The following ST6GALNAC5 variants were observed in gnomAD, a reference collection of about 807,000 sequenced individuals.
ST6GALNAC5 encodes the protein alpha-N-acetylgalactosaminide alpha-2,6-sialyltransferase 5.
Under a neutral mutation model 33.6 loss-of-function variants are expected in ST6GALNAC5, and 27 were observed. The observed-to-expected ratio is 0.80, with a 90% CI of 0.59 to 1.11. The LOEUF is 1.11. Ranked by LOEUF, ST6GALNAC5 falls within the 50% of genes least tolerant of loss-of-function variation. ST6GALNAC5 has a pLI of 0.00. For missense variants in ST6GALNAC5, 428 were observed against 454.0 expected (o/e 0.94, Z 0.52); for synonymous variants, 194 against 171.2 (o/e 1.13, Z -1.04).
At chr1:77,012,379 C>A (rs752012976) in intron 2 of ST6GALNAC5, among the ~76,000 whole-genome samples, 9 of 152,318 alleles carry the variant, frequency 5.9e-5, no homozygotes, top group Admixed American at 1.3e-4. Context: ...CCAGGTTACT[C>A]CTTGCTCCGG....
chr1:76,926,101 C>T (rs1384989694), intron 2 of ST6GALNAC5, among the ~76,000 whole-genome samples: 2 of 152,140 alleles, frequency 1.3e-5, no homozygotes, highest in Admixed American at 6.5e-5. Context: ...GAAGTAGGCA[C>T]CAGCAATTCC....
At chr1:76,936,848 A>G in intron 2 of ST6GALNAC5, among the ~76,000 whole-genome samples, 2 of 151,740 alleles carry the variant, frequency 1.3e-5, no homozygotes. Context: ...TGGACTTTGG[A>G]CTTTGTACCA....
chr1:76,881,964 T>A (rs1653792358), intron 2 of ST6GALNAC5, among the ~76,000 whole-genome samples: 1 of 152,230 alleles, frequency 6.6e-6, no homozygotes, highest in African/African-American at 2.4e-5. Flanking sequence ...CAGTCTCTGA[T>A]GTGAACATCA....
intron 2 of ST6GALNAC5, among the ~76,000 whole-genome samples, chr1:76,991,716 C>A (rs1649736106): frequency 6.6e-6 from 1 of 152,106 alleles, no homozygotes; most frequent in Non-Finnish European, 1.5e-5. Flanking sequence ...ATTCTCAGCC[C>A]ACAGAACATA....
At chr1:76,936,864 T>G (rs568025693) in intron 2 of ST6GALNAC5, among the ~76,000 whole-genome samples, 1 of 151,916 alleles carries the variant, frequency 6.6e-6, no homozygotes, top group South Asian at 2.1e-4. Flanking sequence ...TACCAGAGGA[T>G]GTGGGTTTTC....
chr1:77,047,752 T>C (rs1004478759), intron 3 of ST6GALNAC5, among the ~76,000 whole-genome samples: 3 of 152,210 alleles, frequency 2.0e-5, no homozygotes, highest in Non-Finnish European at 4.4e-5. Context: ...GGAAGAATAT[T>C]TCCATAGAGA....
At chr1:76,958,372 G>A (rs1469171514) in intron 2 of ST6GALNAC5, among the ~76,000 whole-genome samples, 2 of 152,182 alleles carry the variant, frequency 1.3e-5, no homozygotes, top group African/African-American at 2.4e-5. Flanking sequence ...CTTCCGCTAT[G>A]TAGTTGTTTG....
chr1:76,873,570 A>C (rs1018948621), intron 2 of ST6GALNAC5, among the ~76,000 whole-genome samples: 2 of 152,154 alleles, frequency 1.3e-5, no homozygotes, highest in South Asian at 4.1e-4. Context: ...TTTTTTCTCT[A>C]CAAGAATCAT....
At chr1:76,994,288 G>A (rs962376000) in intron 2 of ST6GALNAC5, among the ~76,000 whole-genome samples, 1 of 152,156 alleles carries the variant, frequency 6.6e-6, no homozygotes, top group Non-Finnish European at 1.5e-5. Flanking sequence ...GTTTTAAAAT[G>A]CGGTATAACA....
chr1:77,026,970 CA>C (rs1651264413), intron 2 of ST6GALNAC5, among the ~76,000 whole-genome samples: 1 of 152,140 alleles, frequency 6.6e-6, no homozygotes, highest in Non-Finnish European at 1.5e-5. Context: ...ATCAGCAGTC[CA>C]AGAATGTTTT....
intron 2 of ST6GALNAC5, among the ~76,000 whole-genome samples, chr1:77,039,699 A>G (rs1009383103): frequency 6.6e-5 from 10 of 152,226 alleles, no homozygotes; most frequent in Admixed American, 3.3e-4. Context: ...GTGAACTAAG[A>G]TAGATGCCTA....
At chr1:76,957,467 T>C (rs1014928337) in intron 2 of ST6GALNAC5, among the ~76,000 whole-genome samples, 3 of 152,222 alleles carry the variant, frequency 2.0e-5, no homozygotes, top group African/African-American at 7.2e-5. Flanking sequence ...AGGTCCTATT[T>C]CCAAATAATG....
In ST6GALNAC5 at chr1:76,950,158, G is replaced by T. The variant is rs975322366; in HGVS notation, c.261+81416G>T. 2.0e-5 allele frequency among the ~76,000 whole-genome samples: 3 copies of T among 152,080 alleles called. No individual in the cohort carries two copies. The East Asian group carries it at 5.8e-4, about 29-fold the overall frequency. On this transcript the variant is annotated intron_variant, in intron 2 of 4. Coordinates refer to ENST00000477717, the MANE Select transcript of ST6GALNAC5 (RefSeq NM_030965.3). ...GCCCAGAGAGGTTGATTAAGCCAAG[G>T]TCATGCACGGTATGAAGGACTGAGA...
chr1:76,922,126 A>G (rs943754540), intron 2 of ST6GALNAC5, among the ~76,000 whole-genome samples: 3 of 152,218 alleles, frequency 2.0e-5, no homozygotes, highest in Non-Finnish European at 1.5e-5. Flanking sequence ...AATCTACAAA[A>G]CAAGTACTGC....
intron 2 of ST6GALNAC5, among the ~76,000 whole-genome samples, chr1:76,974,588 A>G (rs777465010): frequency 3.6e-4 from 55 of 151,460 alleles, no homozygotes; most frequent in Non-Finnish European, 4.7e-4. Flanking sequence ...TTGCATAGTT[A>G]TTTTATTATT....
intron 2 of ST6GALNAC5, among the ~76,000 whole-genome samples, chr1:76,951,753 C>T (rs144775369): frequency 0.014 from 2,130 of 152,134 alleles, 55 homozygotes; most frequent in African/African-American, 0.048. Flanking sequence ...ATAAAATGTT[C>T]AGTATTCTTT....
At chr1:77,004,547 T>G (rs1213937839) in intron 2 of ST6GALNAC5, among the ~76,000 whole-genome samples, 1 of 137,106 alleles carries the variant, frequency 7.3e-6, no homozygotes, top group African/African-American at 2.5e-5. Flanking sequence ...ACTGCGTTCC[T>G]TTGGAGGAGG....
At chr1:76,927,131 A>G (rs1399517228) in intron 2 of ST6GALNAC5, among the ~76,000 whole-genome samples, 1 of 152,086 alleles carries the variant, frequency 6.6e-6, no homozygotes, top group African/African-American at 2.4e-5. Flanking sequence ...CTTTTACTGT[A>G]TACAAGTTTT....
chr1:76,942,370 C>G (rs1169386183), intron 2 of ST6GALNAC5, among the ~76,000 whole-genome samples: 1 of 152,104 alleles, frequency 6.6e-6, no homozygotes, highest in East Asian at 1.9e-4. Context: ...TGTTGATGTT[C>G]TTTTAGGTTT....
Sources: gnomAD v4.1 joint callset for allele counts (sites outside exome capture counted in the v4.1 genomes callset) on GRCh38, gnomAD v4.1.1 for gene constraint, MANE v1.5 for transcripts, NCBI Gene and HGNC (gene_info 2026-07-23, HGNC 2026-07-21) for gene names.